Variants in PCDH9 observed in about 807,000 individuals in gnomAD.
The protein encoded by PCDH9 is protocadherin-9.
A neutral mutation model predicts 70.6 loss-of-function variants in PCDH9; 24 were observed. That is an observed-to-expected ratio of 0.34 (90% CI 0.25 to 0.48). The LOEUF is 0.48. Ranked by LOEUF, PCDH9 falls within the 20% of genes least tolerant of loss-of-function variation. The probability of loss-of-function intolerance (pLI) is 0.99; values close to 1 mark genes in which losing one functional copy is unlikely to be tolerated. For missense variants in PCDH9, 1,281 were observed against 1,503.6 expected (o/e 0.85, Z 2.45); for synonymous variants, 562 against 558.5 (o/e 1.01, Z -0.09).
intron 4 of PCDH9, among the ~76,000 whole-genome samples, chr13:66,348,959 G>C (rs1956254132): frequency 6.6e-6 from 1 of 152,068 alleles, no homozygotes; most frequent in African/African-American, 2.4e-5. Context: ...GATTTAAGCT[G>C]TGTACACACA....
At chr13:66,949,099 G>C in intron 2 of PCDH9, among the ~76,000 whole-genome samples, 1 of 152,068 alleles carries the variant, frequency 6.6e-6, no homozygotes, top group East Asian at 1.9e-4. Context: ...TAAAGAGAGA[G>C]TTCTGCAGGT....
rs145348983 is a variant in PCDH9 at position 66,920,527 on chromosome 13, CAG to C, written c.3037-16924_3037-16923del. ...TTCTTATATTAATAACCTTCCCCACCAGAGTGAATGACCTTCTATAAATATAA... is the reference window on the plus strand; with the variant it reads ...TTCTTATATTAATAACCTTCCCCACCAGTGAATGACCTTCTATAAATATAA... On this transcript the variant is annotated intron_variant, in intron 2 of 4. Transcript: ENST00000377865. Among the ~76,000 whole-genome samples, 29 of 151,086 alleles carry C rather than the reference CAG, an allele frequency of 1.9e-4. No individual in the cohort carries two copies. The East Asian group carries it at 5.6e-3, about 29-fold the overall frequency.
chr13:67,178,106 C>T (rs1379476085), intron 2 of PCDH9, among the ~76,000 whole-genome samples: 1 of 152,010 alleles, frequency 6.6e-6, no homozygotes, highest in Non-Finnish European at 1.5e-5. Context: ...CAAGGTTGTC[C>T]TTTTCTTCTC....
chr13:66,683,449 G>T (rs936435023), intron 3 of PCDH9, among the ~76,000 whole-genome samples: 2 of 152,148 alleles, frequency 1.3e-5, no homozygotes, highest in Non-Finnish European at 2.9e-5. Context: ...CAGCCACTGG[G>T]ATAATGCTAT....
chr13:67,195,254 T>A (rs1279783849), intron 2 of PCDH9, among the ~76,000 whole-genome samples: 3 of 151,962 alleles, frequency 2.0e-5, no homozygotes. Flanking sequence ...CATGCCATTC[T>A]CCTGCCTCAG....
chr13:66,684,947 G>A (rs1218480163), intron 3 of PCDH9, among the ~76,000 whole-genome samples: 2 of 151,994 alleles, frequency 1.3e-5, no homozygotes, highest in African/African-American at 2.4e-5. Context: ...CAATGAAGTC[G>A]AGATGGAGGT....
chr13:66,364,761 C>T (rs868035700), intron 4 of PCDH9, among the ~76,000 whole-genome samples: 28 of 152,292 alleles, frequency 1.8e-4, no homozygotes, highest in South Asian at 6.2e-4. Flanking sequence ...TAGCTAGTTA[C>T]TGCTACATCC....
intron 2 of PCDH9, among the ~76,000 whole-genome samples, chr13:66,917,229 A>G (rs1241496334): frequency 6.6e-6 from 1 of 151,480 alleles, no homozygotes; most frequent in East Asian, 1.9e-4. Context: ...ACAAGCATAC[A>G]TTTTAAAATG....
At chr13:66,321,514 G>A (rs1329314731) in intron 4 of PCDH9, among the ~76,000 whole-genome samples, 1 of 151,804 alleles carries the variant, frequency 6.6e-6, no homozygotes, top group Non-Finnish European at 1.5e-5. Flanking sequence ...ACTACCTTAG[G>A]AGCTAGTGCT....
intron 2 of PCDH9, among the ~76,000 whole-genome samples, chr13:66,951,070 T>C (rs12877253): frequency 0.011 from 1,641 of 152,314 alleles, 17 homozygotes; most frequent in Non-Finnish European, 0.017. Flanking sequence ...AGCTAAAGTA[T>C]GTGGTGCAAT....
intron 2 of PCDH9, among the ~76,000 whole-genome samples, chr13:66,937,069 A>G (rs966570455): frequency 2.0e-5 from 3 of 152,200 alleles, no homozygotes; most frequent in Admixed American, 6.5e-5. Flanking sequence ...ATGGTTCTCA[A>G]TATAATTTTC....
intron 3 of PCDH9, among the ~76,000 whole-genome samples, chr13:66,825,694 T>C (rs2080811986): frequency 6.6e-6 from 1 of 152,128 alleles, no homozygotes; most frequent in Non-Finnish European, 1.5e-5. Flanking sequence ...TAATAAAAAT[T>C]ACAAAGGAAA....
intron 3 of PCDH9, among the ~76,000 whole-genome samples, chr13:66,739,926 G>A (rs1448995428): frequency 6.7e-6 from 1 of 148,772 alleles, no homozygotes; most frequent in Non-Finnish European, 1.5e-5. Flanking sequence ...ACATTAGACA[G>A]ATCAACGAGA....
intron 2 of PCDH9, among the ~76,000 whole-genome samples, chr13:66,935,042 C>T (rs1334823940): frequency 1.3e-5 from 2 of 151,822 alleles, no homozygotes; most frequent in East Asian, 3.9e-4. Flanking sequence ...TTATACTTCA[C>T]TAATTCATTC....
intron 3 of PCDH9, among the ~76,000 whole-genome samples, chr13:66,647,674 G>T (rs1260951637): frequency 6.6e-6 from 1 of 152,120 alleles, no homozygotes; most frequent in African/African-American, 2.4e-5. Flanking sequence ...GAAGGTGGGA[G>T]AGAAGAGTAA....
chr13:66,604,209 G>A (rs1593763526), intron 4 of PCDH9, among the ~76,000 whole-genome samples: 1 of 152,042 alleles, frequency 6.6e-6, no homozygotes, highest in South Asian at 2.1e-4. Context: ...CAGTAGCTCT[G>A]AGTTCTTCTT....
chr13:66,785,945 T>C (rs957236926), intron 3 of PCDH9, among the ~76,000 whole-genome samples: 3 of 152,158 alleles, frequency 2.0e-5, no homozygotes, highest in African/African-American at 7.2e-5. Context: ...GATAGAAGTA[T>C]AATACTGCTA....
At chr13:67,115,195 G>A (rs917325719) in intron 2 of PCDH9, among the ~76,000 whole-genome samples, 5 of 152,178 alleles carry the variant, frequency 3.3e-5, no homozygotes, top group Non-Finnish European at 5.9e-5. Context: ...TTTTGGAATA[G>A]GATGTATCAG....
intron 3 of PCDH9, among the ~76,000 whole-genome samples, chr13:66,684,460 G>A (rs2078372102): frequency 6.6e-6 from 1 of 152,176 alleles, no homozygotes; most frequent in Non-Finnish European, 1.5e-5. Flanking sequence ...AACCCAGTGG[G>A]AGGAAACTGA....
Sources: gnomAD v4.1 joint callset for allele counts (sites outside exome capture counted in the v4.1 genomes callset) on GRCh38, gnomAD v4.1.1 for gene constraint, MANE v1.5 for transcripts, NCBI Gene and HGNC (gene_info 2026-07-23, HGNC 2026-07-21) for gene names.